ADAMTSL1: variants seen among roughly 807,000 people sequenced by gnomAD.
ADAMTSL1 encodes ADAMTS like 1.
A neutral mutation model predicts 201.8 loss-of-function variants in ADAMTSL1; 126 were observed. The observed-to-expected ratio is 0.62, with a 90% CI of 0.54 to 0.72. The LOEUF (loss-of-function observed/expected upper bound fraction) is 0.72, where lower values mean the gene tolerates loss of function less well. Among genes scored for constraint, ADAMTSL1 ranks in the 30% least tolerant of loss-of-function variants. The probability of loss-of-function intolerance (pLI) is 0.00; values close to 1 mark genes in which losing one functional copy is unlikely to be tolerated. For missense variants in ADAMTSL1, 2,679 were observed against 2,277.8 expected, an observed-to-expected ratio of 1.18 and a Z score of -3.59; for synonymous variants, 1,121 against 903.4, an observed-to-expected ratio of 1.24 and a Z score of -4.32.
intron 2 of ADAMTSL1, among the ~76,000 whole-genome samples, chr9:18,422,576 C>A (rs766530591): frequency 6.6e-6 from 1 of 152,156 alleles, no homozygotes; most frequent in Admixed American, 6.5e-5. Flanking sequence ...TATTTCACCA[C>A]GCACTGTGTG....
At chr9:18,052,994 A>T (rs1278311675) in intron 1 of ADAMTSL1, among the ~76,000 whole-genome samples, 2 of 152,144 alleles carry the variant, frequency 1.3e-5, no homozygotes, top group African/African-American at 2.4e-5. Flanking sequence ...CTGTTTCCTC[A>T]ATCTTTAAAG....
chr9:18,721,690 C>T (rs1833392153), intron 15 of ADAMTSL1, 25 bp downstream of exon 15: 1 of 1,612,028 alleles, frequency 6.2e-7, no homozygotes, highest in South Asian at 1.1e-5. Flanking sequence ...GCCTGCCCTG[C>T]TGTCCAGGGG....
At chr9:18,522,332 G>T (rs897206525) in intron 2 of ADAMTSL1, among the ~76,000 whole-genome samples, 3 of 152,088 alleles carry the variant, frequency 2.0e-5, no homozygotes, top group Non-Finnish European at 2.9e-5. Flanking sequence ...CAATGTATCT[G>T]CAGAAAATGA....
At chr9:18,582,887 TAAAAA>T (rs1272425616) in intron 4 of ADAMTSL1, among the ~76,000 whole-genome samples, 1 of 149,622 alleles carries the variant, frequency 6.7e-6, no homozygotes, top group Non-Finnish European at 1.5e-5. Flanking sequence ...TAAAATAAAA[TAAAAA>T]TAAAATAAAA....
intron 2 of ADAMTSL1, among the ~76,000 whole-genome samples, chr9:18,282,415 C>T (rs972240898): frequency 2.0e-5 from 3 of 152,110 alleles, no homozygotes; most frequent in Admixed American, 6.6e-5. Context: ...GATTTATTTT[C>T]GTTTGCTATT....
chr9:18,650,531 T>C (rs1828172534), intron 7 of ADAMTSL1, among the ~76,000 whole-genome samples: 1 of 152,210 alleles, frequency 6.6e-6, no homozygotes, highest in Non-Finnish European at 1.5e-5. Context: ...TTCGGCCATC[T>C]TGGCTCCTCC....
At chr9:18,718,100 A>G in intron 14 of ADAMTSL1, 1 of 1,302,428 alleles carries the variant, frequency 7.7e-7, no homozygotes, top group Non-Finnish European at 1.1e-6. Context: ...AGAATCTAAG[A>G]ATGCACAGTT....
intron 22 of ADAMTSL1, among the ~76,000 whole-genome samples, chr9:18,828,660 T>TTTTTTTATA (rs10685537): frequency 1.8e-4 from 5 of 28,532 alleles, no homozygotes; most frequent in African/African-American, 5.9e-4. Flanking sequence ...GAAAGTATAT[T>TTTTTTTATA]TATATATATA....
intron 2 of ADAMTSL1, among the ~76,000 whole-genome samples, chr9:18,226,645 G>T (rs998624232): frequency 1.3e-5 from 2 of 151,898 alleles, no homozygotes; most frequent in Admixed American, 1.3e-4. Flanking sequence ...CTTTACCTTA[G>T]CCTGGTGTTT....
intron 2 of ADAMTSL1, among the ~76,000 whole-genome samples, chr9:18,223,904 T>C (rs1013852186): frequency 2.6e-5 from 4 of 152,178 alleles, no homozygotes; most frequent in Admixed American, 6.6e-5. Context: ...AGAGGTTGTA[T>C]GTTTTCCTCT....
intron 23 of ADAMTSL1, among the ~76,000 whole-genome samples, chr9:18,882,981 G>C (rs925345628): frequency 8.0e-6 from 1 of 124,860 alleles, no homozygotes; most frequent in Non-Finnish European, 1.6e-5. Context: ...AACAGAATGA[G>C]AGCCTGCCTC....
At chr9:18,182,039 C>G (rs918934216) in intron 2 of ADAMTSL1, among the ~76,000 whole-genome samples, 73 of 149,874 alleles carry the variant, frequency 4.9e-4, no homozygotes, top group Middle Eastern at 3.2e-3. Flanking sequence ...ATTGCAAGAA[C>G]AAAAAACCAA....
intron 2 of ADAMTSL1, among the ~76,000 whole-genome samples, chr9:18,395,032 T>C (rs1819431612): frequency 6.6e-6 from 1 of 152,220 alleles, no homozygotes; most frequent in Non-Finnish European, 1.5e-5. Context: ...TACCTTTTTG[T>C]CTGAGATTTG....
rs968935541 is a variant in ADAMTSL1, at chr9:18,644,563, G to T, written c.834+5152G>T. On this transcript the variant is annotated intron_variant, in intron 7 of 28. Transcript: ENST00000380548. ...TACCCCCACCCCACAACAGTCCCCA[G>T]AGTGTGATGTTCCCCTTCCTGTGTC... is the stretch of plus-strand genomic sequence containing the variant. Among the ~76,000 whole-genome samples the T allele has an allele frequency of 2.7e-5, 4 of 146,834 alleles. 1 individual carries two copies. The highest frequency in any genetic ancestry group is 3.2e-3 in the Middle Eastern group (1 of 310).
chr9:18,698,263 A>G lies in ADAMTSL1; in HGVS notation c.1575-8484A>G, dbSNP rs183093757. Among the ~76,000 whole-genome samples the G allele has an allele frequency of 9.0e-4, 137 of 152,280 alleles. 1 individual carries two copies. Among genetic ancestry groups the G allele is most frequent in the Non-Finnish European group, 1.3e-3 (88 of 68,024 alleles). ...CACATTGGAAGATAGCACAAAGCCA[A>G]GTCCTGAGGCACTGCAATATTTTAA... On this transcript the variant is annotated intron_variant, in intron 13 of 28. Coordinates refer to ENST00000380548, the MANE Select transcript of ADAMTSL1 (RefSeq NM_001040272.6).
chr9:18,419,922 G>C (rs1234631425), intron 2 of ADAMTSL1, among the ~76,000 whole-genome samples: 1 of 151,918 alleles, frequency 6.6e-6, no homozygotes, highest in East Asian at 1.9e-4. Flanking sequence ...TAGAGATGGG[G>C]TTTCACCATG....
intron 5 of ADAMTSL1, among the ~76,000 whole-genome samples, chr9:18,625,989 A>T (rs953691172): frequency 2.6e-5 from 4 of 152,262 alleles, no homozygotes; most frequent in Admixed American, 2.0e-4. Context: ...ATTTTGAGGT[A>T]AAGTACGCTT....
chr9:18,858,241 C>T (rs1826990450), intron 23 of ADAMTSL1, among the ~76,000 whole-genome samples: 2 of 152,172 alleles, frequency 1.3e-5, no homozygotes, highest in African/African-American at 4.8e-5. Flanking sequence ...CATTAACACA[C>T]TTTCTTATGC....
chr9:18,032,105 C>G (rs1820984151), intron 1 of ADAMTSL1, among the ~76,000 whole-genome samples: 1 of 152,146 alleles, frequency 6.6e-6, no homozygotes, highest in African/African-American at 2.4e-5. Flanking sequence ...TGGGCTCTTC[C>G]ACGTGTTCAG....
Sources: gnomAD v4.1 joint callset for allele counts (sites outside exome capture counted in the v4.1 genomes callset) on GRCh38, gnomAD v4.1.1 for gene constraint, MANE v1.5 for transcripts, NCBI Gene and HGNC (gene_info 2026-07-23, HGNC 2026-07-21) for gene names.